The following ABCA12 variants were observed in gnomAD, a reference collection of about 807,000 sequenced individuals.
The protein encoded by ABCA12 is glucosylceramide transporter ABCA12.
In ABCA12, 156 loss-of-function variants were observed where a neutral mutation model predicts 293.5. That is an observed-to-expected ratio of 0.53 (90% CI 0.47 to 0.61). The LOEUF is 0.61. Among genes scored for constraint, ABCA12 ranks in the 20% least tolerant of loss-of-function variants. ABCA12 has a pLI of 0.00. For synonymous variants in ABCA12, 1,063 were observed against 1,108.0 expected (o/e 0.96, Z 0.81); for missense variants, 2,797 against 3,090.2 (o/e 0.91, Z 2.25).
At chr2:214,967,907 C>T (rs977839374) in intron 38 of ABCA12, among the ~76,000 whole-genome samples, 3 of 152,060 alleles carry the variant, frequency 2.0e-5, no homozygotes, top group African/African-American at 4.8e-5. Context: ...CCTATGACTA[C>T]CATTGATCAC....
At chr2:214,989,022 TACA>T (rs1699849427) in intron 26 of ABCA12, among the ~76,000 whole-genome samples, 1 of 149,404 alleles carries the variant, frequency 6.7e-6, no homozygotes, top group African/African-American at 2.5e-5. Context: ...CTATTAAAAA[TACA>T]AAAATTAGCC....
intron 1 of ABCA12, among the ~76,000 whole-genome samples, chr2:215,124,909 GTTATC>G (rs1702890182): frequency 6.6e-6 from 1 of 152,164 alleles, no homozygotes; most frequent in Non-Finnish European, 1.5e-5. Flanking sequence ...TTTTTCCAAT[GTTATC>G]TTCTAGAATT....
intron 11 of ABCA12, chr2:215,025,472 T>C (rs1700717499): frequency 1.9e-6 from 1 of 518,306 alleles, no homozygotes; most frequent in African/African-American, 1.9e-5. Context: ...TAAACTCTTT[T>C]GTCACCATTT....
intron 51 of ABCA12, among the ~76,000 whole-genome samples, chr2:214,936,228 G>T (rs1292805888): frequency 1.3e-5 from 2 of 152,190 alleles, no homozygotes; most frequent in Non-Finnish European, 1.5e-5. Context: ...CCTTTGTCCA[G>T]TATATTTATG....
At chr2:214,997,233 T>C (rs901356178) in intron 23 of ABCA12, among the ~76,000 whole-genome samples, 5 of 152,132 alleles carry the variant, frequency 3.3e-5, no homozygotes, top group Non-Finnish European at 7.4e-5. Context: ...AGACAAGGTA[T>C]ACTGGAAAGA....
At chr2:215,125,514 G>A (rs1369205134) in intron 1 of ABCA12, among the ~76,000 whole-genome samples, 2 of 151,950 alleles carry the variant, frequency 1.3e-5, no homozygotes, top group East Asian at 3.9e-4. Context: ...GGGCTTTCGA[G>A]TCCTTTGTTA....
intron 49 of ABCA12, among the ~76,000 whole-genome samples, chr2:214,944,124 C>A (rs913939402): frequency 2.0e-5 from 3 of 151,892 alleles, no homozygotes; most frequent in Non-Finnish European, 4.4e-5. Flanking sequence ...GTGAAAAGAC[C>A]ATTTCAGGCC....
At position 215,000,851 on chromosome 2, in the gene ABCA12, T is replaced by C. The variant is rs10498030; in HGVS notation, c.3033A>G (p.Pro1011=). 0.24 allele frequency: 389,606 copies of C among 1,613,940 alleles called. 49,991 individuals are homozygous for C. Among genetic ancestry groups the C allele is most frequent in the East Asian group, 0.35 (15,500 of 44,862 alleles). Residue 1011 remains proline, a synonymous_variant, in exon 22 of 53, where the codon CCA becomes CCG. Transcript: ENST00000272895. ...KIWAPGPHNS[P]SHNQIYGRAF... ...CCCTGCCATAGATCTGGTTGTGTGA[T>C]GGAGAATTGTGTGGCCCTGGAGCCC...
chr2:215,024,951 C>T (rs1463915391), intron 11 of ABCA12, among the ~76,000 whole-genome samples: 1 of 152,056 alleles, frequency 6.6e-6, no homozygotes, highest in African/African-American at 2.4e-5. Context: ...GTTGCCTTTT[C>T]CCACATTCTC....
Position 214,958,353 on chromosome 2 carries a change from G to C in ABCA12, c.6041C>G (p.Thr2014Ser). The C allele has an allele frequency of 1.2e-6, 2 of 1,613,980 alleles. No homozygotes were observed. Among genetic ancestry groups the C allele is most frequent in the Non-Finnish European group, 1.7e-6 (2 of 1,179,910 alleles). The change falls in exon 41 of 53, where the codon ACC (threonine) becomes AGC (serine). Residue 2014 changes from threonine to serine, a missense_variant. By Grantham distance (58) the Thr-to-Ser change is moderately conservative. Transcript: ENST00000272895. ...FVTYVVREHQ[T>S]KAKQLQHISG... ...AATGTGCTGCAACTGTTTGGCTTTGGTTTGATGTTCCCTTACAACATAGGT... is the reference window on the plus strand; with the variant it reads ...AATGTGCTGCAACTGTTTGGCTTTGCTTTGATGTTCCCTTACAACATAGGT...
intron 51 of ABCA12, 69 bp from the exon 52 acceptor site, chr2:214,934,284 T>C: frequency 6.4e-7 from 1 of 1,551,228 alleles, no homozygotes; most frequent in Non-Finnish European, 8.9e-7. Context: ...AGACATAACT[T>C]TACCAAGAGT....
intron 3 of ABCA12, among the ~76,000 whole-genome samples, chr2:215,055,485 T>C (rs1370227986): frequency 6.6e-6 from 1 of 152,070 alleles, no homozygotes; most frequent in Non-Finnish European, 1.5e-5. Flanking sequence ...GTTTCAAAAA[T>C]AAAATCAGTC....
chr2:215,030,835 G>A (rs937846837), intron 9 of ABCA12, among the ~76,000 whole-genome samples: 4 of 152,094 alleles, frequency 2.6e-5, no homozygotes, highest in African/African-American at 9.7e-5. Flanking sequence ...AACTATGTAC[G>A]TTCTATTTTA....
chr2:214,959,503 G>A (rs1211727955), intron 39 of ABCA12, among the ~76,000 whole-genome samples: 1 of 152,110 alleles, frequency 6.6e-6, no homozygotes, highest in African/African-American at 2.4e-5. Flanking sequence ...CCCTTAAAGA[G>A]CAGACAGTTA....
At chr2:214,939,924 C>T (rs962863652) in intron 50 of ABCA12, among the ~76,000 whole-genome samples, 1 of 152,178 alleles carries the variant, frequency 6.6e-6, no homozygotes, top group African/African-American at 2.4e-5. Context: ...ACAATTTTGA[C>T]TTCCTCTCTT....
chr2:215,028,446 C>T (rs1288091083), intron 9 of ABCA12, among the ~76,000 whole-genome samples: 1 of 152,176 alleles, frequency 6.6e-6, no homozygotes, highest in African/African-American at 2.4e-5. Context: ...TTTACAAGCG[C>T]TCATGCTTGT....
intron 2 of ABCA12, among the ~76,000 whole-genome samples, chr2:215,100,666 T>C (rs1702339726): frequency 6.6e-6 from 1 of 152,208 alleles, no homozygotes; most frequent in South Asian, 2.1e-4. Flanking sequence ...GTGTGTTTCT[T>C]CACTTTACAA....
Position 215,008,676 on chromosome 2 carries a change from T to A in ABCA12, c.2473-830A>T, listed in dbSNP as rs547653497. On this transcript the variant is annotated intron_variant, in intron 18 of 52. Transcript: ENST00000272895. ...AATAATCTATAAAGGATTGGAGTAA[T>A]AGAATAAATTATAGGAAGATGCATA... Among the ~76,000 whole-genome samples the A allele has an allele frequency of 9.2e-5, 14 of 151,996 alleles. No individual in the cohort carries two copies. In the South Asian group the frequency reaches 2.7e-3, roughly 29 times the overall value.
intron 38 of ABCA12, among the ~76,000 whole-genome samples, chr2:214,967,212 T>C (rs1699282252): frequency 6.6e-6 from 1 of 152,140 alleles, no homozygotes; most frequent in East Asian, 1.9e-4. Flanking sequence ...GGATCTCTTC[T>C]AGGCAAAGCT....
Sources: gnomAD v4.1 joint callset for allele counts (sites outside exome capture counted in the v4.1 genomes callset) on GRCh38, gnomAD v4.1.1 for gene constraint, MANE v1.5 for transcripts, NCBI Gene and HGNC (gene_info 2026-07-23, HGNC 2026-07-21) for gene names.